POMP: variants seen among roughly 807,000 people sequenced by gnomAD.
POMP encodes 2510048O06Rik.
In POMP, 12 loss-of-function variants were observed where a neutral mutation model predicts 20.6. The observed-to-expected ratio is 0.58, with a 90% CI of 0.37 to 0.94. POMP has a LOEUF of 0.94. POMP is among the 40% of genes least tolerant of loss of function. The pLI is 0.01. For synonymous variants in POMP, 53 were observed against 55.0 expected (o/e 0.96, Z 0.16); for missense variants, 136 against 161.1 (o/e 0.84, Z 0.84).
chr13:28,670,145 A>C (rs763566132), intron 4 of POMP, among the ~76,000 whole-genome samples: 21 of 152,166 alleles, frequency 1.4e-4, no homozygotes, highest in Non-Finnish European at 2.4e-4. Context: ...CCAAGTTACA[A>C]TTCTCATGAG....
intron 3 of POMP, among the ~76,000 whole-genome samples, chr13:28,665,531 C>G (rs1884428495): frequency 6.6e-6 from 1 of 152,190 alleles, no homozygotes; most frequent in South Asian, 2.1e-4. Context: ...CACAGTTGAT[C>G]ATCTTTGAGA....
At chr13:28,659,763 A>G (rs1884301538) in intron 1 of POMP, 1 of 153,862 alleles carries the variant, frequency 6.5e-6, no homozygotes, top group African/African-American at 2.4e-5. Context: ...CAGTATTGTT[A>G]GTATATCTCC....
intron 5 of POMP, among the ~76,000 whole-genome samples, chr13:28,677,827 A>G (rs1289093024): frequency 1.3e-5 from 2 of 152,208 alleles, no homozygotes; most frequent in Non-Finnish European, 2.9e-5. Context: ...GGTCTCCTAA[A>G]CAGAGGAGTA....
intron 5 of POMP, among the ~76,000 whole-genome samples, chr13:28,677,342 G>GGGTT (rs1349655937): frequency 1.3e-5 from 2 of 151,968 alleles, no homozygotes; most frequent in Non-Finnish European, 2.9e-5. Context: ...ATTATGTGCA[G>GGGTT]GGTTATTCAT....
intron 2 of POMP, 135 bp downstream of exon 2, chr13:28,662,642 A>T: frequency 4.1e-6 from 3 of 730,786 alleles, no homozygotes; most frequent in Non-Finnish European, 7.1e-6. Context: ...TGGGGTGCAG[A>T]GGGGAAGAGG....
At chr13:28,677,894 C>A in intron 5 of POMP, 141 bp from the exon 6 acceptor site, 4 of 820,594 alleles carry the variant, frequency 4.9e-6, no homozygotes, top group Non-Finnish European at 8.0e-6. Context: ...AGTCACCCCA[C>A]CCCAGCCCCA....
At chr13:28,669,023 A>G (rs553844208) in intron 4 of POMP, among the ~76,000 whole-genome samples, 9 of 152,166 alleles carry the variant, frequency 5.9e-5, no homozygotes, top group Admixed American at 3.9e-4. Context: ...CCCTTTATCA[A>G]TGATGCCTTC....
At chr13:28,670,322 C>T (rs17087026) in intron 4 of POMP, among the ~76,000 whole-genome samples, 22,972 of 152,060 alleles carry the variant, frequency 0.15, 2,321 homozygotes, top group East Asian at 0.29. Flanking sequence ...GGATAATTAG[C>T]CTTGGTTATG....
chr13:28,665,302 C>A (rs141586229), intron 3 of POMP, among the ~76,000 whole-genome samples: 219 of 152,252 alleles, frequency 1.4e-3, no homozygotes, highest in African/African-American at 4.9e-3. Context: ...GAAAACTGAT[C>A]TGTATTTTGT....
chr13:28,665,666 T>C (rs987336544), intron 3 of POMP, among the ~76,000 whole-genome samples: 2 of 152,276 alleles, frequency 1.3e-5, no homozygotes, highest in African/African-American at 4.8e-5. Flanking sequence ...TTAAGTGGAC[T>C]ATTGAGTGAG....
At position 28,672,362 on chromosome 13, in the gene POMP, A is replaced by T. The variant is rs1243549606; in HGVS notation, c.288A>T (p.Ser96=). The change falls in exon 5 of 6, where the codon TCA becomes TCT. Residue 96 remains serine (S), a synonymous_variant. Transcript: ENST00000380842. ...VQQVQRLPFL[S]SSNLSLDVLR... is the part of the protein sequence containing the mutation. ...AGGTTCAGCGTCTTCCATTTCTTTC[A>T]AGCTCAAATCTTTCACTGGATGTTT... 4 of 1,610,418 alleles carry T rather than the reference A, an allele frequency of 2.5e-6. No individual in the cohort carries two copies. Among genetic ancestry groups the T allele is most frequent in the Admixed American group, 1.7e-5 (1 of 59,984 alleles).
At chr13:28,676,646 T>G (rs867500823) in intron 5 of POMP, among the ~76,000 whole-genome samples, 4 of 152,210 alleles carry the variant, frequency 2.6e-5, no homozygotes, top group African/African-American at 7.2e-5. Flanking sequence ...GTGTAAAGAC[T>G]GTGACAGTAT....
chr13:28,659,402 G>T (rs932260238), intron 1 of POMP, among the ~76,000 whole-genome samples: 1 of 152,190 alleles, frequency 6.6e-6, no homozygotes, highest in African/African-American at 2.4e-5. Context: ...GCAGTGCTTC[G>T]GCTTCATCCT....
intron 1 of POMP, among the ~76,000 whole-genome samples, chr13:28,661,309 T>TA (rs1286346397): frequency 6.6e-6 from 1 of 150,950 alleles, no homozygotes; most frequent in Non-Finnish European, 1.5e-5. Flanking sequence ...CCACAAAAAA[T>TA]AAAAAAATTA....
intron 5 of POMP, among the ~76,000 whole-genome samples, chr13:28,673,101 T>TTTTTTCAAGATGGA (rs1884578325): frequency 6.6e-6 from 1 of 151,208 alleles, no homozygotes; most frequent in Non-Finnish European, 1.5e-5. Flanking sequence ...GATGGAGTCT[T>TTTTTTCAAGATGGA]GTGCTGTTAC....
At chr13:28,674,585 A>G (rs1313293924) in intron 5 of POMP, among the ~76,000 whole-genome samples, 1 of 152,228 alleles carries the variant, frequency 6.6e-6, no homozygotes, top group Non-Finnish European at 1.5e-5. Context: ...TGAGCAAAGT[A>G]GAGAGTAGAA....
At position 28,659,301 on chromosome 13, in the gene POMP, G is replaced by T. The variant is rs545995833; in HGVS notation, c.3+114G>T. ...GGTGGCGGCGGCGGCGGCAGCGTGG[G>T]GCTGAGGCCGGCCTCAGGCGCCATA... is the stretch of plus-strand genomic sequence containing the variant. On this transcript the variant is annotated intron_variant, in intron 1 of 5. Transcript: ENST00000380842. 3.9e-4 allele frequency: 577 copies of T among 1,489,114 alleles called. 3 individuals are homozygous for T. The African/African-American group carries it at 7.3e-3, about 19-fold the overall frequency. 92.2% of individuals were successfully genotyped at this position (1,489,114 alleles called of 1,614,324 possible).
chr13:28,668,700 T>G (rs1432580348), intron 4 of POMP, 126 bp downstream of exon 4: 1 of 767,764 alleles, frequency 1.3e-6, no homozygotes, highest in Non-Finnish European at 2.2e-6. Context: ...CTTTTTAGGG[T>G]ATGACCTTGA....
chr13:28,669,018 T>C (rs1364430671), intron 4 of POMP, among the ~76,000 whole-genome samples: 1 of 152,080 alleles, frequency 6.6e-6, no homozygotes, highest in Admixed American at 6.5e-5. Context: ...AAAATCCCTT[T>C]ATCAATGATG....
Sources: gnomAD v4.1 joint callset for allele counts (sites outside exome capture counted in the v4.1 genomes callset) on GRCh38, gnomAD v4.1.1 for gene constraint, MANE v1.5 for transcripts, NCBI Gene and HGNC (gene_info 2026-07-23, HGNC 2026-07-21) for gene names.